PTOV1: variants seen among roughly 807,000 people sequenced by gnomAD.
PTOV1 encodes the protein prostate tumor-overexpressed gene 1 protein.
A neutral mutation model predicts 58.0 loss-of-function variants in PTOV1; 20 were observed. The ratio of observed to expected loss-of-function variants is 0.34; its 90% CI spans 0.24 to 0.50. The LOEUF (loss-of-function observed/expected upper bound fraction) is 0.50. PTOV1 is among the 20% of genes least tolerant of loss of function. The pLI is 0.98. For missense variants in PTOV1, 593 were observed against 565.4 expected, an observed-to-expected ratio of 1.05 and a Z score of -0.50; for synonymous variants, 335 against 234.2, an observed-to-expected ratio of 1.43 and a Z score of -3.93.
At chr19:49,858,922 G>A (rs1343903488) in intron 10 of PTOV1, 1 of 362,700 alleles carries the variant, frequency 2.8e-6, no homozygotes, top group Non-Finnish European at 5.1e-6. Flanking sequence ...CACTCCTCAG[G>A]GACAGGCGCC....
At chr19:49,860,028 C>T (rs773895100) in exon 11 of PTOV1, 23 of 1,614,084 alleles carry the variant, frequency 1.4e-5, no homozygotes, top group Admixed American at 3.3e-5. Flanking sequence ...GTGTGAGATC[C>T]GCGTGCTTAT....
At chr19:49,851,111 C>T, upstream of PTOV1, 4 of 1,366,524 alleles carry the variant, frequency 2.9e-6, no homozygotes, top group Non-Finnish European at 3.8e-6. Flanking sequence ...GCTCCGGCCA[C>T]GCCCCCTCGG....
intron 1 of PTOV1, chr19:49,851,716 G>C: frequency 8.7e-7 from 1 of 1,145,268 alleles, no homozygotes. Context: ...GGGGGGTTGG[G>C]GGACGGGGGC....
chr19:49,852,289 C>T (rs1278310079), intron 1 of PTOV1: 1 of 159,524 alleles, frequency 6.3e-6, no homozygotes, highest in Non-Finnish European at 1.3e-5. Flanking sequence ...CTACTGAAAC[C>T]TTAAACAGGC....
intron 1 of PTOV1, among the ~76,000 whole-genome samples, chr19:49,853,661 A>T (rs1259975149): frequency 6.6e-6 from 1 of 151,830 alleles, no homozygotes; most frequent in African/African-American, 2.4e-5. Context: ...GCCTGTGAGT[A>T]GCATTTGTGG....
At chr19:49,857,540 TGAG>T in intron 6 of PTOV1, 150 bp from the exon 7 acceptor site, 1 of 727,836 alleles carries the variant, frequency 1.4e-6, no homozygotes. Context: ...TGTGAGCAGA[TGAG>T]GGGCAGGGCC....
chr19:49,857,848 C>T, intron 7 of PTOV1, 56 bp from the exon 8 acceptor site: 1 of 1,611,910 alleles, frequency 6.2e-7, no homozygotes, highest in Non-Finnish European at 8.5e-7. Flanking sequence ...TGGGAGGGGA[C>T]ACTGGCATTG....
upstream of PTOV1, chr19:49,850,766 C>T: frequency 7.5e-7 from 1 of 1,327,478 alleles, no homozygotes; most frequent in Non-Finnish European, 1.0e-6. Flanking sequence ...AATCCGTACC[C>T]TCAGTGGGTT....
chr19:49,859,651 G>A (rs1310045848), intron 10 of PTOV1, among the ~76,000 whole-genome samples: 2 of 152,126 alleles, frequency 1.3e-5, no homozygotes, highest in Non-Finnish European at 2.9e-5. Flanking sequence ...TGGGCCGGCC[G>A]CTGCAGATCC....
chr19:49,851,762 G>C, intron 1 of PTOV1: 1 of 1,086,884 alleles, frequency 9.2e-7, no homozygotes. Flanking sequence ...TCCGCGGCCC[G>C]ATTTAAACGC....
At chr19:49,860,525 T>C in exon 12 of PTOV1, 3 of 625,412 alleles carry the variant, frequency 4.8e-6, no homozygotes, top group Non-Finnish European at 8.3e-6. Context: ...TATCCAGGCC[T>C]GGGTGGGGCC....
chr19:49,855,377 C>T (rs140062720), intron 5 of PTOV1: 43 of 447,988 alleles, frequency 9.6e-5, no homozygotes, highest in African/African-American at 5.7e-4. Flanking sequence ...AGGAGCCTGT[C>T]GGGGACACAT....
rs1462049947 is a variant in PTOV1 at position 49,854,387 on chromosome 19, A to T, written c.172-19A>T. 1 of 1,600,384 alleles carries T rather than the reference A, an allele frequency of 6.2e-7. No individual in the cohort carries two copies. The highest frequency in any genetic ancestry group is 2.2e-5 in the East Asian group (1 of 44,618). On this transcript the variant is annotated intron_variant, in intron 1 of 11. Transcript: ENST00000391842. ...GGCCCCGGCCTCAGTTTTCCCACCT[A>T]TCCCCCACTCCATTGCAGGAAGGTG... is the stretch of plus-strand genomic sequence containing the variant.
At chr19:49,857,607 G>A (rs1048487160) in intron 6 of PTOV1, 86 bp from the exon 7 acceptor site, 63 of 1,287,486 alleles carry the variant, frequency 4.9e-5, no homozygotes, top group South Asian at 6.3e-5. Flanking sequence ...GCCAAGGCTC[G>A]GAGGGAGGGA....
At chr19:49,858,066 G>C in exon 9 of PTOV1, 1 of 1,614,076 alleles carries the variant, frequency 6.2e-7, no homozygotes, top group East Asian at 2.2e-5. Context: ...GGAGGACCGA[G>C]CAGTGGCCAA....
intron 6 of PTOV1, chr19:49,857,360 C>T (rs1473056301): frequency 4.6e-6 from 3 of 646,524 alleles, no homozygotes; most frequent in Admixed American, 2.9e-5. Context: ...GGCAGGGAAG[C>T]CAGCGGAGCG....
At chr19:49,860,715 T>G in exon 12 of PTOV1, 1 of 316,586 alleles carries the variant, frequency 3.2e-6, no homozygotes, top group African/African-American at 2.1e-5. Flanking sequence ...CCCTCTACGT[T>G]TCCCCAATAA....
chr19:49,857,156 T>G (rs1568645925), intron 6 of PTOV1, 26 bp downstream of exon 6: 1 of 1,613,506 alleles, frequency 6.2e-7, no homozygotes, highest in Non-Finnish European at 8.5e-7. Flanking sequence ...ACAGCCCCTC[T>G]GGGGACAGAG....
exon 12 of PTOV1, chr19:49,860,390 T>TGGGGGGGGGGG: frequency 2.9e-6 from 1 of 341,254 alleles, no homozygotes; most frequent in East Asian, 5.7e-5. Flanking sequence ...GTGGGGGGGG[T>TGGGGGGGGGGG]GGGGTTGGGA....
Sources: gnomAD v4.1 joint callset for allele counts (sites outside exome capture counted in the v4.1 genomes callset) on GRCh38, gnomAD v4.1.1 for gene constraint, MANE v1.5 for transcripts, NCBI Gene and HGNC (gene_info 2026-07-23, HGNC 2026-07-21) for gene names.